Variants in DDR1 observed in about 807,000 individuals in gnomAD.
DDR1 encodes the protein epithelial discoidin domain-containing receptor 1.
Under a neutral mutation model 97.4 loss-of-function variants are expected in DDR1, and 64 were observed. The observed-to-expected ratio is 0.66, with a 90% CI of 0.54 to 0.81. The LOEUF (loss-of-function observed/expected upper bound fraction) is 0.81. Among genes scored for constraint, DDR1 ranks in the 30% least tolerant of loss-of-function variants. The pLI is 0.00. For synonymous variants in DDR1, 458 were observed against 503.7 expected (o/e 0.91, Z 1.21); for missense variants, 990 against 1,259.6 (o/e 0.79, Z 3.24).
chr6:30,895,332 CA>C, intron 11 of DDR1, 71 bp from the exon 12 acceptor site: 1 of 1,177,734 alleles, frequency 8.5e-7, no homozygotes. Flanking sequence ...TTGCCCTATT[CA>C]AGGTCTCCCT....
chr6:30,899,440 T>C lies in DDR1; in HGVS notation c.*144T>C. On this transcript the variant is annotated 3_prime_UTR_variant, in exon 18 of 18. Coordinates refer to ENST00000376568, the MANE Select transcript of DDR1 (RefSeq NM_001297654.2). ...AGAGGCAGTGAGACTGCAGGTGGGCTGGGCCCACCCAGGGAGCTGATGCCC... is the reference window on the plus strand; with the variant it reads ...AGAGGCAGTGAGACTGCAGGTGGGCCGGGCCCACCCAGGGAGCTGATGCCC... 3 of 1,062,148 alleles carry C rather than the reference T, an allele frequency of 2.8e-6. No homozygotes were observed. Among genetic ancestry groups the C allele is most frequent in the Non-Finnish European group, 2.6e-6 (2 of 757,514 alleles). 65.8% of individuals were successfully genotyped at this position (1,062,148 alleles called of 1,614,324 possible).
At chr6:30,892,798 T>C (rs981342390) in intron 8 of DDR1, 1 of 583,798 alleles carries the variant, frequency 1.7e-6, no homozygotes, top group Non-Finnish European at 2.9e-6. Context: ...GTTAAAATAT[T>C]GAAATACTTC....
chr6:30,890,994 C>T lies in DDR1; in HGVS notation c.439C>T (p.Pro147Ser). Reference protein sequence around the residue: ...GQEVISGNEDPEGVVLKDLGP... With the variant: ...GQEVISGNEDSEGVVLKDLGP... Reference sequence around the variant, plus strand: ...ACAGGTGATCTCAGGCAATGAGGACCCTGAGGGAGTGGTGCTGAAGGACCT... The same window carrying T: ...ACAGGTGATCTCAGGCAATGAGGACTCTGAGGGAGTGGTGCTGAAGGACCT... The change falls in exon 5 of 18, where the codon CCT (proline) becomes TCT (serine). Residue 147 changes from proline to serine, a missense_variant. Transcript: ENST00000376568. The surrounding 1 kb of genome is among the most constrained non-coding windows in gnomAD (Gnocchi z 5.0). 1 of 1,610,614 alleles carries T rather than the reference C, an allele frequency of 6.2e-7. No homozygotes were observed. Among genetic ancestry groups the T allele is most frequent in the Non-Finnish European group, 8.5e-7 (1 of 1,178,732 alleles).
Position 30,891,470 on chromosome 6 carries a change from C to G in DDR1, c.656C>G (p.Thr219Ser), listed in dbSNP as rs1346015563. The G allele has an allele frequency of 6.2e-7, 1 of 1,612,184 alleles. No homozygotes were observed. The highest frequency in any genetic ancestry group is 8.5e-7 in the Non-Finnish European group (1 of 1,179,730). The change falls in exon 6 of 18, where the codon ACC becomes AGC. Residue 219 changes from threonine to serine, a missense_variant. Coordinates refer to ENST00000376568, the MANE Select transcript of DDR1 (RefSeq NM_001297654.2). The surrounding 1 kb of genome is among the most constrained non-coding windows in gnomAD (Gnocchi z 5.3). ...AACGACTCCACCTATGACGGACATA[C>G]CGTGGGCGGGTAAGAAAGGCCCCTG... Reference protein sequence around the residue: ...YLNDSTYDGHTVGGLQYGGLG... With the variant: ...YLNDSTYDGHSVGGLQYGGLG...
Position 30,897,998 on chromosome 6 carries a change from G to A in DDR1, c.2217-75G>A, listed in dbSNP as rs1791557302. ...GAGCCAGAGTGACCGGGCCCGGGGA[G>A]TGGGCTCTCTCTCCTCTCCTGGATG... is the stretch of plus-strand genomic sequence containing the variant. On this transcript the variant is annotated intron_variant, in intron 15 of 17. Coordinates refer to ENST00000376568, the MANE Select transcript of DDR1 (RefSeq NM_001297654.2). The surrounding 1 kb of genome is among the most constrained non-coding windows in gnomAD (Gnocchi z 5.2). The A allele has an allele frequency of 2.5e-6, 3 of 1,206,968 alleles. No homozygotes were observed. Among genetic ancestry groups the A allele is most frequent in the Non-Finnish European group, 3.6e-6 (3 of 832,608 alleles). 74.8% of individuals were successfully genotyped at this position (1,206,968 alleles called of 1,614,324 possible).
chr6:30,892,626 C>A, intron 8 of DDR1, 84 bp downstream of exon 8: 3 of 1,472,056 alleles, frequency 2.0e-6, no homozygotes, highest in Admixed American at 2.4e-5. Context: ...CTAAAATACT[C>A]ATTCCTTGCA....
In DDR1 at chr6:30,891,134, C is replaced by T; in HGVS notation, c.565+14C>T. 6.2e-7 allele frequency: 1 copy of T among 1,612,578 alleles called. No individual in the cohort carries two copies. The highest frequency in any genetic ancestry group is 8.5e-7 in the Non-Finnish European group (1 of 1,179,896). On this transcript the variant is annotated intron_variant, in intron 5 of 17. Coordinates refer to ENST00000376568, the MANE Select transcript of DDR1 (RefSeq NM_001297654.2). This position sits in a 1 kb window ranked among gnomAD's most constrained non-coding sequence, Gnocchi z 5.3. The stretch of plus-strand genomic sequence containing the variant: ...GCCTCTGGAGGGGTGAGTGGCTCAG[C>T]TTCCTGGGAATCTGTTTCCTGAGCA...
intron 12 of DDR1, among the ~76,000 whole-genome samples, chr6:30,895,763 G>A (rs146235406): frequency 2.4e-4 from 37 of 152,156 alleles, no homozygotes; most frequent in African/African-American, 7.5e-4. Context: ...CCTCTTCCAC[G>A]CCATCTCTTC....
At chr6:30,884,348 G>A (rs1299542373), upstream of DDR1, 2 of 151,838 alleles carry the variant, frequency 1.3e-5, no homozygotes, top group African/African-American at 2.4e-5. This position sits in a 1 kb window ranked among gnomAD's most constrained non-coding sequence, Gnocchi z 6.1. Flanking sequence ...CTCGGCGCCG[G>A]GCGTGGGAGC....
rs953422932 is a variant in DDR1, at chr6:30,899,609, T to G, written c.*313T>G. The stretch of plus-strand genomic sequence containing the variant: ...CCTTGGGGAAGGGTGGGGAGAAATA[T>G]AGGATAGACACTGGACATGGCCCAT... On this transcript the variant is annotated 3_prime_UTR_variant, in exon 18 of 18. Transcript: ENST00000376568. 1.3e-4 allele frequency: 61 copies of G among 467,562 alleles called. No individual in the cohort carries two copies. Among genetic ancestry groups the G allele is most frequent in the Non-Finnish European group, 2.2e-4 (58 of 260,946 alleles). 29.0% of individuals were successfully genotyped at this position (467,562 alleles called of 1,614,324 possible). A position where few individuals can be genotyped will look rare whatever the true frequency, so the allele number is the denominator to read the frequency against.
At position 30,887,613 on chromosome 6, in the gene DDR1, CTCTT is replaced by C. The variant is rs552313341; in HGVS notation, c.-42-1073_-42-1070del. Among the ~76,000 whole-genome samples the C allele has an allele frequency of 9.9e-5, 15 of 152,216 alleles. No individual in the cohort carries two copies. The South Asian group carries it at 3.1e-3, about 32-fold the overall frequency. ...TCACACAAAGTTAGGAATATATTGC[CTCTT>C]TGTTACTTTTCATAGCTGCATAGTA... On this transcript the variant is annotated intron_variant, in intron 1 of 17. Coordinates refer to ENST00000376568, the MANE Select transcript of DDR1 (RefSeq NM_001297654.2).
At position 30,894,579 on chromosome 6, in the gene DDR1, A is replaced by G; in HGVS notation, c.1421A>G (p.Asn474Ser). The stretch of plus-strand genomic sequence containing the variant: ...CCTGGGGACACTATCCTCATCAACA[A>G]CCGCCCAGGTCCTAGAGAGCCACCC... ...SVPGDTILIN[N>S]RPGPREPPPY... Residue 474 changes from asparagine (N) to serine (S), a missense_variant, in exon 11 of 18, where the codon AAC becomes AGC. Physicochemically the swap from Asn to Ser is conservative, Grantham distance 46 (BLOSUM62 1). Coordinates refer to ENST00000376568, the MANE Select transcript of DDR1 (RefSeq NM_001297654.2). This position sits in a 1 kb window ranked among gnomAD's most constrained non-coding sequence, Gnocchi z 5.7. The G allele has an allele frequency of 6.2e-7, 1 of 1,613,454 alleles. No individual in the cohort carries two copies.
chr6:30,893,432 A>G lies in DDR1; in HGVS notation c.1347+9A>G, dbSNP rs1218916867. ...GCAGGCTCCTCAGCAAGGTGGGCAC[A>G]GCCGTGGCATGTGGAGTGGCGGGGG... On this transcript the variant is annotated intron_variant, in intron 10 of 17. Coordinates refer to ENST00000376568, the MANE Select transcript of DDR1 (RefSeq NM_001297654.2). The G allele has an allele frequency of 6.2e-7, 1 of 1,600,154 alleles. No homozygotes were observed. Among genetic ancestry groups the G allele is most frequent in the South Asian group, 1.1e-5 (1 of 90,620 alleles).
In DDR1 at chr6:30,897,117, G is replaced by A. The variant is rs146690652; in HGVS notation, c.1973G>A (p.Arg658Gln). Residue 658 changes from arginine to glutamine, a missense_variant, in exon 14 of 18, where the codon CGG becomes CAG. Transcript: ENST00000376568. The surrounding 1 kb of genome is among the most constrained non-coding windows in gnomAD (Gnocchi z 5.2). ...HPLLVAVKIL[R>Q]PDATKNARND... ...TTGCTGGTAGCTGTCAAGATCTTAC[G>A]GCCAGATGCCACCAAGAATGCCAGG... The A allele has an allele frequency of 1.1e-5, 18 of 1,613,814 alleles. No individual in the cohort carries two copies. Among genetic ancestry groups the A allele is most frequent in the South Asian group, 2.2e-5 (2 of 91,054 alleles).
Position 30,888,627 on chromosome 6 carries a change from G to T in DDR1, c.-42-61G>T. The T allele has an allele frequency of 3.9e-6, 6 of 1,538,560 alleles. No homozygotes were observed. The highest frequency in any genetic ancestry group is 4.4e-6 in the Non-Finnish European group (5 of 1,139,546). ...CCCAAAGCGGCCCATTCTGTCTGTT[G>T]CTGTCAGCTATGACTCAGTCCCCTG... On this transcript the variant is annotated intron_variant, in intron 1 of 17. Transcript: ENST00000376568. This position sits in a 1 kb window ranked among gnomAD's most constrained non-coding sequence, Gnocchi z 4.2.
At position 30,891,264 on chromosome 6, in the gene DDR1, T is replaced by C; in HGVS notation, c.566-116T>C. The C allele has an allele frequency of 7.1e-7, 1 of 1,410,654 alleles. No individual in the cohort carries two copies. The highest frequency in any genetic ancestry group is 9.8e-7 in the Non-Finnish European group (1 of 1,021,690). 87.4% of individuals were successfully genotyped at this position (1,410,654 alleles called of 1,614,324 possible). A position where few individuals can be genotyped will look rare whatever the true frequency, so the allele number is the denominator to read the frequency against. On this transcript the variant is annotated intron_variant, in intron 5 of 17. Coordinates refer to ENST00000376568, the MANE Select transcript of DDR1 (RefSeq NM_001297654.2). The surrounding 1 kb of genome is among the most constrained non-coding windows in gnomAD (Gnocchi z 5.3). The stretch of plus-strand genomic sequence containing the variant: ...GGGCTAGCCAGCATTGTCTCCTCCA[T>C]GCCAATGAGCCAGTGGAGAGATACA...
At position 30,889,850 on chromosome 6, in the gene DDR1, G is replaced by A. The variant is rs9368645; in HGVS notation, c.417+420G>A. ...CTGGCATTCTCCAGCTCAGGAAGTG[G>A]TATCACCATTGCCTGGTTGCCTAGG... is the stretch of plus-strand genomic sequence containing the variant. On this transcript the variant is annotated intron_variant, in intron 4 of 17. Transcript: ENST00000376568. The surrounding 1 kb of genome is among the most constrained non-coding windows in gnomAD (Gnocchi z 4.9). Among the ~76,000 whole-genome samples the A allele has an allele frequency of 0.014, 2,167 of 152,204 alleles. 122 individuals are homozygous for A. In the East Asian group the frequency reaches 0.2, roughly 14 times the overall value.
At position 30,888,468 on chromosome 6, in the gene DDR1, T is replaced by C. The variant is rs905074346; in HGVS notation, c.-42-220T>C. On this transcript the variant is annotated intron_variant, in intron 1 of 17. Coordinates refer to ENST00000376568, the MANE Select transcript of DDR1 (RefSeq NM_001297654.2). This position sits in a 1 kb window ranked among gnomAD's most constrained non-coding sequence, Gnocchi z 4.2. The stretch of plus-strand genomic sequence containing the variant: ...ATGGATAGTAATAGTATCTACCTTA[T>C]GAAGTGACTGTGAAGATAAAATTAT... 6 of 588,004 alleles carry C rather than the reference T, an allele frequency of 1.0e-5. No individual in the cohort carries two copies. The African/African-American group carries it at 1.1e-4, about 11-fold the overall frequency. The allele number at this position is 588,004 out of a possible 1,614,324, so 36.4% of individuals were successfully genotyped here.
At position 30,891,556 on chromosome 6, in the gene DDR1, TGAGA is replaced by T. The variant is rs1299434082; in HGVS notation, c.665+79_665+82del. The T allele has an allele frequency of 2.2e-3, 1,907 of 883,376 alleles. 2 individuals are homozygous for T. Among genetic ancestry groups the T allele is most frequent in the Admixed American group, 2.7e-3 (123 of 45,326 alleles). 54.7% of individuals were successfully genotyped at this position (883,376 alleles called of 1,614,324 possible). A position where few individuals can be genotyped will look rare whatever the true frequency, so the allele number is the denominator to read the frequency against. On this transcript the variant is annotated intron_variant, in intron 6 of 17. Coordinates refer to ENST00000376568, the MANE Select transcript of DDR1 (RefSeq NM_001297654.2). The surrounding 1 kb of genome is among the most constrained non-coding windows in gnomAD (Gnocchi z 5.3). ...GTGTGTGTGTGTGTGTGTGTGTGTG[TGAGA>T]GTGTGTGTGTGTAGGGGGGCTGGTA...
Sources: allele counts gnomAD v4.1 joint callset (sites outside exome capture counted in the v4.1 genomes callset), GRCh38; gene constraint gnomAD v4.1.1; non-coding constraint Gnocchi (gnomAD v3.1); transcripts MANE v1.5; gene names NCBI Gene and HGNC (gene_info 2026-07-23, HGNC 2026-07-21).